ACYP2: variants seen among roughly 807,000 people sequenced by gnomAD.
The protein encoded by ACYP2 is acylphosphatase 2.
Under a neutral mutation model 11.2 loss-of-function variants are expected in ACYP2, and 12 were observed. The observed-to-expected ratio is 1.08, with a 90% CI of 0.69 to 1.74. The LOEUF (loss-of-function observed/expected upper bound fraction) is 1.74, where lower values mean the gene tolerates loss of function less well. Among genes scored for constraint, ACYP2 ranks in the 40% most tolerant of loss-of-function variants. ACYP2 has a pLI of 0.00. For synonymous variants in ACYP2, 43 were observed against 32.2 expected, an observed-to-expected ratio of 1.33 and a Z score of -1.13; for missense variants, 134 against 101.9, an observed-to-expected ratio of 1.31 and a Z score of -1.35.
At chr2:54,145,275 T>C (rs992609603) in intron 6 of ACYP2, among the ~76,000 whole-genome samples, 1 of 152,228 alleles carries the variant, frequency 6.6e-6, no homozygotes, top group African/African-American at 2.4e-5. Flanking sequence ...AATGACATGA[T>C]ATATTTTGGA....
chr2:54,123,300 T>A (rs937278295), intron 4 of ACYP2: 4 of 398,436 alleles, frequency 1.0e-5, no homozygotes, highest in Non-Finnish European at 1.8e-5. Flanking sequence ...CTTGCCGTAC[T>A]TCAAGAGGAT....
chr2:54,147,426 C>T (rs1016926045), intron 6 of ACYP2, among the ~76,000 whole-genome samples: 14 of 152,126 alleles, frequency 9.2e-5, no homozygotes, highest in Non-Finnish European at 1.8e-4. Flanking sequence ...CTGTGAGGTC[C>T]ATGGGGGTAA....
intron 6 of ACYP2, among the ~76,000 whole-genome samples, chr2:54,257,938 A>G (rs1687626624): frequency 6.6e-6 from 1 of 152,238 alleles, no homozygotes; most frequent in South Asian, 2.1e-4. Context: ...TTTTGAGGCG[A>G]CTGCTACCAA....
intron 6 of ACYP2, among the ~76,000 whole-genome samples, chr2:54,258,996 A>G (rs1481365254): frequency 6.6e-6 from 1 of 152,228 alleles, no homozygotes; most frequent in Non-Finnish European, 1.5e-5. Context: ...ATCCATTCCC[A>G]TGAGAAGTTA....
chr2:54,070,796 G>T (rs1356957567), intron 4 of ACYP2, among the ~76,000 whole-genome samples: 1 of 151,098 alleles, frequency 6.6e-6, no homozygotes, highest in Non-Finnish European at 1.5e-5. Context: ...GAGTGCAGTG[G>T]CACGATTATG....
Position 53,971,196 on chromosome 2 carries a change from C to A in ACYP2, c.-162C>A, listed in dbSNP as rs1671079214. 5.9e-6 allele frequency: 1 copy of A among 169,804 alleles called. No individual in the cohort carries two copies. Among genetic ancestry groups the A allele is most frequent in the African/African-American group, 2.4e-5 (1 of 42,166 alleles). The allele number at this position is 169,804 out of a possible 1,614,324, so 10.5% of individuals were successfully genotyped here. The stretch of plus-strand genomic sequence containing the variant: ...GCCCCCACCCCAGGCCTCACCGGCC[C>A]AGCGCGAGGCTGCCTCACCGGAAAC... On this transcript the variant is annotated 5_prime_UTR_variant, in exon 1 of 7. Transcript: ENST00000607452.
At chr2:54,142,577 G>T (rs1386618442) in intron 6 of ACYP2, 1 of 152,126 alleles carries the variant, frequency 6.6e-6, no homozygotes, top group Non-Finnish European at 1.5e-5. Context: ...ACAAAAACTA[G>T]CTGGGGTTGG....
At chr2:54,130,586 G>A (rs1424611506) in intron 4 of ACYP2, among the ~76,000 whole-genome samples, 1 of 152,148 alleles carries the variant, frequency 6.6e-6, no homozygotes, top group African/African-American at 2.4e-5. Flanking sequence ...AGTTAAGGAG[G>A]TTCTTGTAGT....
At chr2:54,178,307 A>G (rs1361375681) in intron 6 of ACYP2, among the ~76,000 whole-genome samples, 4 of 152,216 alleles carry the variant, frequency 2.6e-5, no homozygotes, top group Non-Finnish European at 4.4e-5. Context: ...CAATAAACAC[A>G]TTTTTAAAGG....
chr2:54,023,893 G>C (rs961740086), intron 2 of ACYP2, among the ~76,000 whole-genome samples: 1 of 152,110 alleles, frequency 6.6e-6, no homozygotes, highest in Admixed American at 6.6e-5. Flanking sequence ...TACCAATTCT[G>C]TTGACACTAT....
intron 5 of ACYP2, among the ~76,000 whole-genome samples, chr2:54,135,949 G>A (rs571926398): frequency 6.6e-6 from 1 of 152,356 alleles, no homozygotes; most frequent in Admixed American, 6.5e-5. Flanking sequence ...CCAGTCTGGA[G>A]TACAGTGGTG....
intron 6 of ACYP2, among the ~76,000 whole-genome samples, chr2:54,244,313 C>T (rs149780910): frequency 0.012 from 1,787 of 152,196 alleles, 29 homozygotes; most frequent in African/African-American, 0.041. Context: ...GCAATTCTTG[C>T]GCCTTAGCCT....
At chr2:54,042,770 C>G (rs1350037833) in intron 2 of ACYP2, among the ~76,000 whole-genome samples, 1 of 152,166 alleles carries the variant, frequency 6.6e-6, no homozygotes, top group African/African-American at 2.4e-5. Flanking sequence ...CAAATGTTAC[C>G]ATCTGTCCTT....
chr2:54,217,593 G>A (rs1685612249), intron 6 of ACYP2, among the ~76,000 whole-genome samples: 1 of 151,902 alleles, frequency 6.6e-6, no homozygotes, highest in Non-Finnish European at 1.5e-5. Flanking sequence ...GGTTGGTCTT[G>A]AATTCCTGAG....
intron 6 of ACYP2, among the ~76,000 whole-genome samples, chr2:54,221,133 T>C (rs992671610): frequency 6.6e-6 from 1 of 152,118 alleles, no homozygotes; most frequent in Admixed American, 6.5e-5. Flanking sequence ...TCACCTTGGG[T>C]TCCAGAATTA....
chr2:54,200,077 A>G (rs73938008), intron 6 of ACYP2, among the ~76,000 whole-genome samples: 2,102 of 152,334 alleles, frequency 0.014, 55 homozygotes, highest in African/African-American at 0.046. Flanking sequence ...ATATCTTTAT[A>G]CAGCTTTGCT....
At chr2:54,228,292 G>C (rs1225272606) in intron 6 of ACYP2, among the ~76,000 whole-genome samples, 4 of 152,156 alleles carry the variant, frequency 2.6e-5, no homozygotes, top group African/African-American at 9.7e-5. Context: ...CTGTAATTCT[G>C]TAAGTGGATA....
At chr2:53,999,365 T>A (rs949900055) in intron 2 of ACYP2, among the ~76,000 whole-genome samples, 10 of 152,164 alleles carry the variant, frequency 6.6e-5, no homozygotes, top group Admixed American at 1.3e-4. Context: ...AAAAGCCAAG[T>A]TACCAAAACA....
chr2:54,100,970 C>T (rs1009757543), intron 4 of ACYP2, among the ~76,000 whole-genome samples: 5 of 152,190 alleles, frequency 3.3e-5, no homozygotes, highest in African/African-American at 1.2e-4. Flanking sequence ...TGGGCTAAGC[C>T]TTCTTGGAAA....
Sources: allele counts gnomAD v4.1 joint callset (sites outside exome capture counted in the v4.1 genomes callset), GRCh38; gene constraint gnomAD v4.1.1; transcripts MANE v1.5; gene names NCBI Gene and HGNC (gene_info 2026-07-23, HGNC 2026-07-21).